RBM19: variants seen among roughly 807,000 people sequenced by gnomAD.
RBM19 encodes RNA binding motif protein 19.
Under a neutral mutation model 116.8 loss-of-function variants are expected in RBM19, and 94 were observed. That is an observed-to-expected ratio of 0.80 (90% CI 0.68 to 0.95). The LOEUF is 0.95. RBM19 is among the 40% of genes least tolerant of loss of function. RBM19 has a pLI of 0.00. For missense variants in RBM19, 1,161 were observed against 1,220.7 expected, an observed-to-expected ratio of 0.95 and a Z score of 0.73; for synonymous variants, 475 against 494.1, an observed-to-expected ratio of 0.96 and a Z score of 0.51.
chr12:113,903,607 C>T lies in RBM19; in HGVS notation c.2558+11362G>A, dbSNP rs1375828507. 6.6e-6 allele frequency among the ~76,000 whole-genome samples: 1 copy of T among 152,236 alleles called. No homozygotes were observed. Among genetic ancestry groups the T allele is most frequent in the Non-Finnish European group, 1.5e-5 (1 of 68,044 alleles). The stretch of plus-strand genomic sequence containing the variant: ...GCAATGCATAAACAATCCAGTTTCT[C>T]TGCATCATTGTCAGCATTTTGTGTC... On this transcript the variant is annotated intron_variant, in intron 21 of 23. Transcript: ENST00000261741. This position sits in a 1 kb window ranked among gnomAD's most constrained non-coding sequence, Gnocchi z 5.1.
Position 113,881,915 on chromosome 12 carries a change from C to G in RBM19, c.2559-23019G>C, listed in dbSNP as rs188119415. On this transcript the variant is annotated intron_variant, in intron 21 of 23. Transcript: ENST00000261741. ...TAGAAGCAAAGCCTTCCTGCAGAGA[C>G]GACCCACATGCCCTCCACCCATGGG... is the stretch of plus-strand genomic sequence containing the variant. Among the ~76,000 whole-genome samples the G allele has an allele frequency of 1.2e-3, 178 of 152,380 alleles. 1 individual carries two copies. Among genetic ancestry groups the G allele is most frequent in the Admixed American group, 4.0e-3 (61 of 15,312 alleles).
rs1167808199 is a variant in RBM19, at chr12:113,903,647, T to C, written c.2558+11322A>G. Among the ~76,000 whole-genome samples the C allele has an allele frequency of 6.6e-6, 1 of 152,272 alleles. No individual in the cohort carries two copies. The highest frequency in any genetic ancestry group is 2.4e-5 in the African/African-American group (1 of 41,468). ...CATTTTGTGTCACCACTATTTTTTATTTTAGCCATCCTGACCGTTACATGT... is the reference window on the plus strand; with the variant it reads ...CATTTTGTGTCACCACTATTTTTTACTTTAGCCATCCTGACCGTTACATGT... On this transcript the variant is annotated intron_variant, in intron 21 of 23. Coordinates refer to ENST00000261741, the MANE Select transcript of RBM19 (RefSeq NM_016196.4). The surrounding 1 kb of genome is among the most constrained non-coding windows in gnomAD (Gnocchi z 5.1).
Position 113,825,206 on chromosome 12 carries a change from C to T in RBM19, c.2786-1885G>A, listed in dbSNP as rs572671872. On this transcript the variant is annotated intron_variant, in intron 23 of 23. Coordinates refer to ENST00000261741, the MANE Select transcript of RBM19 (RefSeq NM_016196.4). The surrounding 1 kb of genome is among the most constrained non-coding windows in gnomAD (Gnocchi z 5.7). ...GGACGGAGCAAGGGTGAGAGAGAGA[C>T]GGCAGAGCCTGCCCCATGGTGAGCG... Among the ~76,000 whole-genome samples, 18 of 152,312 alleles carry T rather than the reference C, an allele frequency of 1.2e-4. No homozygotes were observed. The highest frequency in any genetic ancestry group is 4.1e-4 in the South Asian group (2 of 4,828).
chr12:113,861,474 CTG>C (rs57704604), intron 21 of RBM19, among the ~76,000 whole-genome samples: 2,481 of 126,452 alleles, frequency 0.02, 19 homozygotes, highest in Non-Finnish European at 0.023. Flanking sequence ...AAGCCAGACT[CTG>C]TGTGTGTGTG....
At chr12:113,960,887 C>T (rs1442651049) in intron 2 of RBM19, among the ~76,000 whole-genome samples, 1 of 152,176 alleles carries the variant, frequency 6.6e-6, no homozygotes, top group African/African-American at 2.4e-5. Flanking sequence ...GGCCCTAAAA[C>T]CTCCAATACA....
intron 22 of RBM19, among the ~76,000 whole-genome samples, chr12:113,847,388 A>G (rs1271702228): frequency 6.6e-6 from 1 of 152,052 alleles, no homozygotes; most frequent in African/African-American, 2.4e-5. Flanking sequence ...CTGCCAGCAG[A>G]GCCTCTGCAT....
intron 21 of RBM19, among the ~76,000 whole-genome samples, chr12:113,859,827 C>A (rs905362634): frequency 3.5e-4 from 53 of 151,002 alleles, no homozygotes; most frequent in African/African-American, 2.4e-4. Flanking sequence ...AATCTACACA[C>A]ACTTGCGGCT....
chr12:113,905,606 C>A (rs1352823566), intron 21 of RBM19, among the ~76,000 whole-genome samples: 1 of 151,802 alleles, frequency 6.6e-6, no homozygotes, highest in Non-Finnish European at 1.5e-5. Context: ...ATGACAGTGA[C>A]AATATCTAAG....
chr12:113,883,268 C>G (rs1161056866), intron 21 of RBM19, among the ~76,000 whole-genome samples: 1 of 152,220 alleles, frequency 6.6e-6, no homozygotes, highest in Non-Finnish European at 1.5e-5. Flanking sequence ...GTGTTCTGGA[C>G]AACGCAGCCT....
chr12:113,929,282 C>T (rs1228184982), intron 16 of RBM19, among the ~76,000 whole-genome samples: 2 of 152,214 alleles, frequency 1.3e-5, no homozygotes, highest in Non-Finnish European at 2.9e-5. Context: ...AAGCTTCGAC[C>T]ACTTTGTCAT....
At chr12:113,888,835 A>T (rs1292178198) in intron 21 of RBM19, among the ~76,000 whole-genome samples, 2 of 152,258 alleles carry the variant, frequency 1.3e-5, no homozygotes, top group African/African-American at 4.8e-5. Context: ...AAGGGATATT[A>T]GAGAACTTAG....
At chr12:113,879,041 C>T (rs1394434289) in intron 21 of RBM19, among the ~76,000 whole-genome samples, 1 of 152,156 alleles carries the variant, frequency 6.6e-6, no homozygotes, top group East Asian at 1.9e-4. Context: ...AGTGTGGCTG[C>T]AGCTGTGGTG....
chr12:113,909,499 ACTCT>A (rs1430323328), intron 21 of RBM19, among the ~76,000 whole-genome samples: 3 of 152,172 alleles, frequency 2.0e-5, no homozygotes, highest in Non-Finnish European at 4.4e-5. Context: ...CAAGAAGGTA[ACTCT>A]CTCACAAATG....
At chr12:113,921,766 G>A (rs1868586675) in intron 18 of RBM19, among the ~76,000 whole-genome samples, 1 of 152,230 alleles carries the variant, frequency 6.6e-6, no homozygotes, top group Non-Finnish European at 1.5e-5. Flanking sequence ...GGGCTGGCAT[G>A]TCTGTGCACC....
At chr12:113,879,667 C>T (rs1279283673) in intron 21 of RBM19, among the ~76,000 whole-genome samples, 1 of 151,966 alleles carries the variant, frequency 6.6e-6, no homozygotes, top group Admixed American at 6.6e-5. Context: ...CACTGTTCTG[C>T]CTTGATCCCT....
intron 22 of RBM19, among the ~76,000 whole-genome samples, chr12:113,858,070 C>T (rs1292387826): frequency 2.0e-5 from 3 of 152,238 alleles, no homozygotes; most frequent in Admixed American, 6.5e-5. Flanking sequence ...TGGATTCTGA[C>T]CTGGAGCTCA....
At chr12:113,916,909 C>A (rs1882807676) in intron 20 of RBM19, among the ~76,000 whole-genome samples, 1 of 152,216 alleles carries the variant, frequency 6.6e-6, no homozygotes, top group African/African-American at 2.4e-5. Flanking sequence ...ATAATGTTTT[C>A]TTTTCAGCCT....
At chr12:113,890,867 A>G (rs984071381) in intron 21 of RBM19, among the ~76,000 whole-genome samples, 3 of 152,216 alleles carry the variant, frequency 2.0e-5, no homozygotes, top group African/African-American at 7.2e-5. Context: ...AGCTCACTGT[A>G]GCCTCAAACT....
chr12:113,950,164 G>T lies in RBM19; in HGVS notation c.1001-10C>A. The T allele has an allele frequency of 6.3e-7, 1 of 1,596,290 alleles. No homozygotes were observed. The highest frequency in any genetic ancestry group is 8.6e-7 in the Non-Finnish European group (1 of 1,164,334). On this transcript the variant is annotated splice_polypyrimidine_tract_variant and intron_variant, in intron 8 of 23. Transcript: ENST00000261741. ...TCCACAAAGATGTATCCTGACAGAG[G>T]ACAATGACAGAGGTAAAATCTGCAG...
Sources: allele counts gnomAD v4.1 joint callset (sites outside exome capture counted in the v4.1 genomes callset), GRCh38; gene constraint gnomAD v4.1.1; non-coding constraint Gnocchi (gnomAD v3.1); transcripts MANE v1.5; gene names NCBI Gene and HGNC (gene_info 2026-07-23, HGNC 2026-07-21).